The following FBXL7 variants were observed in gnomAD, a reference collection of about 807,000 sequenced individuals.
FBXL7 encodes F-box and leucine rich repeat protein 7.
FBXL7 carries 12 observed loss-of-function variants against 38.3 expected under a neutral mutation model. That is an observed-to-expected ratio of 0.31 (90% CI 0.20 to 0.51). The LOEUF (loss-of-function observed/expected upper bound fraction) is 0.51. Among genes scored for constraint, FBXL7 ranks in the 20% least tolerant of loss-of-function variants. FBXL7 has a pLI of 0.98. For synonymous variants in FBXL7, 297 were observed against 300.9 expected, an observed-to-expected ratio of 0.99 and a Z score of 0.13; for missense variants, 567 against 676.4, an observed-to-expected ratio of 0.84 and a Z score of 1.79.
chr5:15,792,396 C>G (rs1390312418), intron 2 of FBXL7, among the ~76,000 whole-genome samples: 1 of 152,178 alleles, frequency 6.6e-6, no homozygotes, highest in Non-Finnish European at 1.5e-5. Context: ...CCAGCCCATC[C>G]TTTCAAAGGT....
chr5:15,924,588 C>T (rs3935971), intron 2 of FBXL7, among the ~76,000 whole-genome samples: 26,541 of 150,882 alleles, frequency 0.18, 3,775 homozygotes, highest in African/African-American at 0.39. Flanking sequence ...CTGTAAGGTA[C>T]AGGTTGGAGG....
rs1736049850 is a variant in FBXL7, at chr5:15,747,672, G to T, written c.127+131600G>T. Among the ~76,000 whole-genome samples, 4 of 152,348 alleles carry T rather than the reference G, an allele frequency of 2.6e-5. No individual in the cohort carries two copies. In the South Asian group the frequency reaches 8.3e-4, roughly 32 times the overall value. ...AAGGAAAAAATATCTATGCACAATG[G>T]TTAGTTGGTTCAAATGCACACATAC... On this transcript the variant is annotated intron_variant, in intron 2 of 3. Transcript: ENST00000504595.
chr5:15,742,861 A>AGG lies in FBXL7; in HGVS notation c.127+126791_127+126792dup, dbSNP rs1320206093. On this transcript the variant is annotated intron_variant, in intron 2 of 3. Coordinates refer to ENST00000504595, the MANE Select transcript of FBXL7 (RefSeq NM_012304.5). ...TCAGGATACTTACAATCATGGCAAA[A>AGG]GGGAAAGTAAACACATCCTTCTTCA... Among the ~76,000 whole-genome samples, 4 of 152,154 alleles carry AGG rather than the reference A, an allele frequency of 2.6e-5. No homozygotes were observed. In the East Asian group the frequency reaches 5.8e-4, roughly 22 times the overall value.
chr5:15,707,474 TG>T (rs1405655719), intron 2 of FBXL7, among the ~76,000 whole-genome samples: 2 of 152,170 alleles, frequency 1.3e-5, no homozygotes, highest in Non-Finnish European at 2.9e-5. Flanking sequence ...ACACCTAGCC[TG>T]GCCAGGGCTT....
chr5:15,566,813 C>T lies in FBXL7; in HGVS notation c.38-49170C>T, dbSNP rs868245493. Among the ~76,000 whole-genome samples the T allele has an allele frequency of 1.2e-4, 19 of 152,240 alleles. No homozygotes were observed. The Middle Eastern group carries it at 0.01, about 82-fold the overall frequency. On this transcript the variant is annotated intron_variant, in intron 1 of 3. Transcript: ENST00000504595. ...ACATTGTATTTAATGCCTTTCTGGA[C>T]CTATTTATGGTGACTTGCCTTCCTG...
intron 2 of FBXL7, among the ~76,000 whole-genome samples, chr5:15,724,740 G>T (rs561626821): frequency 6.6e-6 from 1 of 152,250 alleles, no homozygotes; most frequent in South Asian, 2.1e-4. Flanking sequence ...GTTTTTAGAT[G>T]CTATTTACCG....
At chr5:15,578,367 G>C (rs185999569) in intron 1 of FBXL7, among the ~76,000 whole-genome samples, 1 of 152,158 alleles carries the variant, frequency 6.6e-6, no homozygotes, top group African/African-American at 2.4e-5. Flanking sequence ...CCAAGAGAGA[G>C]AGACATGATC....
At chr5:15,661,644 C>T (rs185689225) in intron 2 of FBXL7, among the ~76,000 whole-genome samples, 6 of 152,282 alleles carry the variant, frequency 3.9e-5, no homozygotes, top group Admixed American at 3.3e-4. Context: ...TTTTATCACA[C>T]ATGTGTGAAA....
At chr5:15,581,141 A>AT (rs1342606452) in intron 1 of FBXL7, among the ~76,000 whole-genome samples, 1 of 152,190 alleles carries the variant, frequency 6.6e-6, no homozygotes, top group African/African-American at 2.4e-5. Context: ...ATATTGATCC[A>AT]TTTTACCTCG....
chr5:15,667,501 G>A (rs1321940228), intron 2 of FBXL7, among the ~76,000 whole-genome samples: 2 of 152,090 alleles, frequency 1.3e-5, no homozygotes, highest in Non-Finnish European at 2.9e-5. Context: ...TTAGGATGAG[G>A]ATCACCCTAA....
At chr5:15,786,240 G>A (rs1486028728) in intron 2 of FBXL7, among the ~76,000 whole-genome samples, 2 of 152,242 alleles carry the variant, frequency 1.3e-5, no homozygotes, top group South Asian at 2.1e-4. Flanking sequence ...ATTAGAGAGC[G>A]TTGGTGAGGG....
chr5:15,535,957 G>T (rs1737571697), intron 1 of FBXL7, among the ~76,000 whole-genome samples: 1 of 152,246 alleles, frequency 6.6e-6, no homozygotes, highest in South Asian at 2.1e-4. Flanking sequence ...AGGGAAAAAT[G>T]GTTCTGTGGG....
Position 15,503,252 on chromosome 5 carries a change from C to T in FBXL7, c.37+2539C>T, listed in dbSNP as rs576146862. Among the ~76,000 whole-genome samples the T allele has an allele frequency of 2.0e-5, 3 of 152,246 alleles. No homozygotes were observed. The East Asian group carries it at 5.8e-4, about 29-fold the overall frequency. On this transcript the variant is annotated intron_variant, in intron 1 of 3. Transcript: ENST00000504595. Reference sequence around the variant, plus strand: ...GCTGGCCAACATGGTGAAACCCTGTCTCTACTAAAAATACAAAAAGTATCC... The same window carrying T: ...GCTGGCCAACATGGTGAAACCCTGTTTCTACTAAAAATACAAAAAGTATCC...
At chr5:15,816,304 T>A (rs1738013565) in intron 2 of FBXL7, among the ~76,000 whole-genome samples, 1 of 152,034 alleles carries the variant, frequency 6.6e-6, no homozygotes, top group Non-Finnish European at 1.5e-5. Context: ...GGAGTACTAC[T>A]CAGCCATGGA....
chr5:15,581,757 C>T (rs1450281070), intron 1 of FBXL7, among the ~76,000 whole-genome samples: 4 of 151,796 alleles, frequency 2.6e-5, no homozygotes, highest in South Asian at 2.1e-4. Context: ...TATGTGCTTG[C>T]GCAAGCATTA....
At chr5:15,786,314 G>C (rs1737131909) in intron 2 of FBXL7, among the ~76,000 whole-genome samples, 1 of 146,560 alleles carries the variant, frequency 6.8e-6, no homozygotes, top group South Asian at 2.4e-4. Flanking sequence ...AAATAAAAGT[G>C]AAATATAGAA....
intron 2 of FBXL7, among the ~76,000 whole-genome samples, chr5:15,633,040 T>G (rs1741053296): frequency 1.3e-5 from 2 of 152,164 alleles, no homozygotes; most frequent in Non-Finnish European, 2.9e-5. Flanking sequence ...AGAACAATGT[T>G]TAATGATGTG....
rs1245987526 is a variant in FBXL7 at position 15,877,609 on chromosome 5, CTCTG to C, written c.128-50279_128-50276del. 2.0e-5 allele frequency among the ~76,000 whole-genome samples: 3 copies of C among 151,958 alleles called. No individual in the cohort carries two copies. The East Asian group carries it at 5.8e-4, about 29-fold the overall frequency. ...GTAAAATGATTATGTGGAGCCATCT[CTCTG>C]TAGGTAGCAAAAGACAGATTCTGTA... On this transcript the variant is annotated intron_variant, in intron 2 of 3. Transcript: ENST00000504595.
intron 3 of FBXL7, chr5:15,935,383 C>T (rs1742154295): frequency 2.6e-6 from 1 of 387,366 alleles, no homozygotes; most frequent in Non-Finnish European, 5.2e-6. Flanking sequence ...GAACGGGCGT[C>T]ATCCCGAGGC....
Sources: allele counts gnomAD v4.1 joint callset (sites outside exome capture counted in the v4.1 genomes callset), GRCh38; gene constraint gnomAD v4.1.1; transcripts MANE v1.5; gene names NCBI Gene and HGNC (gene_info 2026-07-23, HGNC 2026-07-21).